The following IP6K1 variants were observed in gnomAD, a reference collection of about 807,000 sequenced individuals.
The protein encoded by IP6K1 is ATP:1D-myo-inositol-hexakisphosphate phosphotransferase.
In IP6K1, 13 loss-of-function variants were observed where a neutral mutation model predicts 38.3. That is an observed-to-expected ratio of 0.34 (90% CI 0.22 to 0.54). The LOEUF is 0.54. Among genes scored for constraint, IP6K1 ranks in the 20% least tolerant of loss-of-function variants. The pLI is 0.92. For synonymous variants in IP6K1, 212 were observed against 229.9 expected, an observed-to-expected ratio of 0.92 and a Z score of 0.70; for missense variants, 397 against 599.8, an observed-to-expected ratio of 0.66 and a Z score of 3.53.
At chr3:49,763,145 C>A (rs1306157365) in intron 1 of IP6K1, among the ~76,000 whole-genome samples, 3 of 146,370 alleles carry the variant, frequency 2.0e-5, no homozygotes, top group African/African-American at 5.1e-5. Context: ...GCTCTGTCAC[C>A]CAGGCTGAAG....
chr3:49,769,435 T>C (rs556274592), intron 1 of IP6K1, among the ~76,000 whole-genome samples: 2 of 152,274 alleles, frequency 1.3e-5, no homozygotes, highest in South Asian at 4.2e-4. Context: ...AGAACACAGA[T>C]TTCACAAACA....
chr3:49,765,409 C>T (rs944615417), intron 1 of IP6K1, among the ~76,000 whole-genome samples: 11 of 140,266 alleles, frequency 7.8e-5, no homozygotes, highest in African/African-American at 2.1e-4. Context: ...TGGGAGGCCG[C>T]GGCAGGCAGA....
intron 1 of IP6K1, among the ~76,000 whole-genome samples, chr3:49,750,653 T>C (rs573328343): frequency 4.6e-5 from 7 of 151,998 alleles, no homozygotes; most frequent in South Asian, 2.1e-4. Context: ...TGAGCCGAGA[T>C]TGCGCCACTG....
Position 49,727,307 on chromosome 3 carries a change from T to G in IP6K1, c.1141A>C (p.Thr381Pro). Residue 381 changes from threonine to proline, a missense_variant, in exon 6 of 6, where the codon ACC becomes CCC. Thr to Pro is a conservative substitution (Grantham distance 38). Transcript: ENST00000321599. The surrounding 1 kb of genome is among the most constrained non-coding windows in gnomAD (Gnocchi z 5.9). ...GAGGAGGGACCCGCCTCGGGGCTGG[T>G]GTTGCTGGGGCTGGTGCTGGGGCCA... ...SCGPSTSPSNTSPEAGPSSQP... is the reference protein window; with the variant it reads ...SCGPSTSPSNPSPEAGPSSQP... 6.2e-7 allele frequency: 1 copy of G among 1,614,140 alleles called. No individual in the cohort carries two copies. The highest frequency in any genetic ancestry group is 2.2e-5 in the East Asian group (1 of 44,884).
chr3:49,764,357 G>A lies in IP6K1; in HGVS notation c.-128-16189C>T, dbSNP rs141974878. Among the ~76,000 whole-genome samples, 129 of 134,124 alleles carry A rather than the reference G, an allele frequency of 9.6e-4. 1 individual carries two copies. The highest frequency in any genetic ancestry group is 3.8e-3 in the Middle Eastern group (1 of 260). 88.0% of individuals were successfully genotyped at this position (134,124 alleles called of 152,430 possible). A position where few individuals can be genotyped will look rare whatever the true frequency, so the allele number is the denominator to read the frequency against. ...TGATTGTACCACTGCACTGCAGCCT[G>A]GGCAACGAAGCAAGACCCTGTCTCT... On this transcript the variant is annotated intron_variant, in intron 1 of 5. Transcript: ENST00000321599.
intron 1 of IP6K1, among the ~76,000 whole-genome samples, chr3:49,778,895 G>T (rs752086346): frequency 1.3e-5 from 2 of 152,096 alleles, no homozygotes; most frequent in Non-Finnish European, 2.9e-5. Flanking sequence ...AAAGTGCTAG[G>T]ATTACGGGGA....
At chr3:49,743,235 A>T (rs140126410) in intron 2 of IP6K1, among the ~76,000 whole-genome samples, 1 of 59,850 alleles carries the variant, frequency 1.7e-5, no homozygotes, top group East Asian at 3.6e-4. Flanking sequence ...AAAAACAAAA[A>T]CAAAATACAC....
intron 3 of IP6K1, among the ~76,000 whole-genome samples, chr3:49,736,923 C>T (rs2080617802): frequency 6.6e-6 from 1 of 152,038 alleles, no homozygotes; most frequent in East Asian, 1.9e-4. Flanking sequence ...AGGTGCCCAC[C>T]ACCATGCCCG....
intron 1 of IP6K1, among the ~76,000 whole-genome samples, chr3:49,767,475 G>C (rs548566302): frequency 1.3e-5 from 2 of 151,984 alleles, no homozygotes. Context: ...AGGTACTCGG[G>C]GGGCTAAAAC....
intron 2 of IP6K1, among the ~76,000 whole-genome samples, chr3:49,742,580 A>G (rs1176724612): frequency 6.6e-6 from 1 of 152,020 alleles, no homozygotes; most frequent in Non-Finnish European, 1.5e-5. Flanking sequence ...ATAGAAGCAT[A>G]GTGGAAGATA....
Position 49,783,570 on chromosome 3 carries a change from G to A in IP6K1, c.-129+2784C>T, listed in dbSNP as rs556324206. Among the ~76,000 whole-genome samples, 9 of 151,564 alleles carry A rather than the reference G, an allele frequency of 5.9e-5. No homozygotes were observed. The South Asian group carries it at 8.4e-4, about 14-fold the overall frequency. On this transcript the variant is annotated intron_variant, in intron 1 of 5. Transcript: ENST00000321599. ...TCCTAAAAATACAAAAAAATTGGCC[G>A]GGCATGGTGGCAGGTGCCTATAGTC...
chr3:49,772,223 AAATAT>A (rs1312251878), intron 1 of IP6K1, among the ~76,000 whole-genome samples: 1 of 140,576 alleles, frequency 7.1e-6, no homozygotes, highest in Non-Finnish European at 1.6e-5. Flanking sequence ...TTAAAAAAAA[AAATAT>A]ATATATATAT....
At chr3:49,738,878 C>T (rs545873804) in intron 2 of IP6K1, among the ~76,000 whole-genome samples, 1 of 152,176 alleles carries the variant, frequency 6.6e-6, no homozygotes, top group East Asian at 1.9e-4. Context: ...CAAGACGGTC[C>T]AAAAAAATCT....
chr3:49,732,923 C>A lies in IP6K1; in HGVS notation c.484G>T (p.Val162Phe), dbSNP rs199967442. The A allele has an allele frequency of 2.7e-5, 44 of 1,614,036 alleles. 1 individual carries two copies. In the South Asian group the frequency reaches 4.1e-4, roughly 15 times the overall value. The change falls in exon 4 of 6, where the codon GTC (valine) becomes TTC (phenylalanine). Residue 162 changes from valine to phenylalanine, a missense_variant. This residue lies in a region of IP6K1 where 171 missense variants were observed against 237.0 expected (regional missense o/e 0.72). Transcript: ENST00000321599. Reference sequence around the variant, plus strand: ...TTGCCATCTAGCATCTGGAAAGGGACCTCTGAGTGGCTGTGCAGCTCCACC... The same window carrying A: ...TTGCCATCTAGCATCTGGAAAGGGAACTCTGAGTGGCTGTGCAGCTCCACC... ...PKVELHSHSE[V>F]PFQMLDGNSG...
chr3:49,747,692 G>C (rs2080733091), intron 2 of IP6K1, 126 bp downstream of exon 2: 1 of 1,235,278 alleles, frequency 8.1e-7, no homozygotes, highest in Admixed American at 2.5e-5. Flanking sequence ...ATCTAACAAA[G>C]TGACTTCGTG....
intron 1 of IP6K1, among the ~76,000 whole-genome samples, chr3:49,781,348 C>T (rs2081064022): frequency 6.6e-6 from 1 of 152,172 alleles, no homozygotes; most frequent in African/African-American, 2.4e-5. Flanking sequence ...CAGGCGTGAC[C>T]CACTGTGCCG....
chr3:49,732,947 C>T lies in IP6K1; in HGVS notation c.460G>A (p.Val154Met), dbSNP rs2108224508. 1 of 1,613,298 alleles carries T rather than the reference C, an allele frequency of 6.2e-7. No homozygotes were observed. Among genetic ancestry groups the T allele is most frequent in the South Asian group, 1.1e-5 (1 of 91,012 alleles). ...ESSQEAKSPK[V>M]ELHSHSEVPF... ...ACCTCTGAGTGGCTGTGCAGCTCCA[C>T]CTTCGGACTCTTTGCCTCCTGTGAG... Residue 154 changes from valine to methionine, a missense_variant, in exon 4 of 6, where the codon GTG (valine) becomes ATG (methionine). By Grantham distance (21) the Val-to-Met change is conservative (BLOSUM62 1). Transcript: ENST00000321599.
chr3:49,761,787 C>T (rs984260280), intron 1 of IP6K1, among the ~76,000 whole-genome samples: 1 of 151,844 alleles, frequency 6.6e-6, no homozygotes, highest in Non-Finnish European at 1.5e-5. Flanking sequence ...GACTCTGTCT[C>T]TACAGAAAAA....
At chr3:49,763,881 G>A (rs934945342) in intron 1 of IP6K1, among the ~76,000 whole-genome samples, 2 of 151,996 alleles carry the variant, frequency 1.3e-5, no homozygotes, top group East Asian at 1.9e-4. Flanking sequence ...AATTAGCTGC[G>A]CATGGTGGCG....
Sources: gnomAD v4.1 joint callset for allele counts (sites outside exome capture counted in the v4.1 genomes callset) on GRCh38, gnomAD v4.1.1 for gene constraint, gnomAD v4.1.1 regional missense constraint, Gnocchi (gnomAD v3.1) non-coding constraint, MANE v1.5 for transcripts, NCBI Gene and HGNC (gene_info 2026-07-23, HGNC 2026-07-21) for gene names.